LYRM4: variants seen among roughly 807,000 people sequenced by gnomAD.
LYRM4 encodes LYR motif-containing protein 4.
In LYRM4, 9 loss-of-function variants were observed where a neutral mutation model predicts 11.7. That is an observed-to-expected ratio of 0.77 (90% CI 0.46 to 1.34). The LOEUF is 1.34. Among genes scored for constraint, LYRM4 ranks in the 40% most tolerant of loss-of-function variants. The pLI, the probability that LYRM4 is intolerant of heterozygous loss-of-function variation, is 0.00. For missense variants in LYRM4, 133 were observed against 112.5 expected (o/e 1.18, Z -0.82); for synonymous variants, 42 against 40.4 (o/e 1.04, Z -0.15).
At chr6:5,141,005 G>T (rs539094405) in intron 2 of LYRM4, among the ~76,000 whole-genome samples, 1 of 152,306 alleles carries the variant, frequency 6.6e-6, no homozygotes, top group East Asian at 1.9e-4. Flanking sequence ...GCCTCTGTGT[G>T]TGATCATGAC....
At chr6:5,139,720 C>T (rs462487) in intron 2 of LYRM4, among the ~76,000 whole-genome samples, 95,418 of 152,058 alleles carry the variant, frequency 0.63, 30,720 homozygotes, top group East Asian at 0.92. Flanking sequence ...ACTGAACTGT[C>T]GCCAATCTGG....
intron 2 of LYRM4, among the ~76,000 whole-genome samples, chr6:5,167,172 A>G (rs182869198): frequency 2.0e-4 from 31 of 152,338 alleles, no homozygotes; most frequent in Non-Finnish European, 3.7e-4. Flanking sequence ...ACTTTAATTA[A>G]AACAAAAACC....
chr6:5,079,564 A>G, the LYRM4 span, among the ~76,000 whole-genome samples: 1 of 152,238 alleles, frequency 6.6e-6, no homozygotes, highest in Non-Finnish European at 1.5e-5. Flanking sequence ...AGGAAGCGTC[A>G]CATATTAAAA....
At chr6:5,113,994 G>C (rs1468811986) in intron 2 of LYRM4, among the ~76,000 whole-genome samples, 3 of 152,170 alleles carry the variant, frequency 2.0e-5, no homozygotes, top group Admixed American at 2.0e-4. Flanking sequence ...TTTCCTTATG[G>C]GGTCAGTGCA....
At chr6:5,138,406 G>A (rs1310871058) in intron 2 of LYRM4, among the ~76,000 whole-genome samples, 1 of 147,796 alleles carries the variant, frequency 6.8e-6, no homozygotes, top group African/African-American at 2.5e-5. Context: ...ATCACCTGAG[G>A]CTGGGGAGGT....
chr6:5,099,248 G>A (rs1021153391), downstream of LYRM4, among the ~76,000 whole-genome samples: 5 of 151,272 alleles, frequency 3.3e-5, no homozygotes, highest in African/African-American at 1.2e-4. This position sits in a 1 kb window ranked among gnomAD's most constrained non-coding sequence, Gnocchi z 4.3. Context: ...TGTTACCCAG[G>A]CTGGAGTGCA....
intron 2 of LYRM4, among the ~76,000 whole-genome samples, chr6:5,151,361 G>A (rs1195060882): frequency 6.6e-6 from 1 of 152,098 alleles, no homozygotes; most frequent in Admixed American, 6.5e-5. Context: ...GGGATTACAG[G>A]CATGAGCCAC....
chr6:5,110,455 C>T (rs991549859), intron 2 of LYRM4, among the ~76,000 whole-genome samples: 8 of 152,188 alleles, frequency 5.3e-5, no homozygotes, highest in Admixed American at 3.9e-4. Context: ...ACCGCCGCGC[C>T]GTCCATCTGA....
the LYRM4 span, among the ~76,000 whole-genome samples, chr6:5,044,708 G>A: frequency 6.6e-6 from 1 of 152,132 alleles, no homozygotes; most frequent in Non-Finnish European, 1.5e-5. Flanking sequence ...GTGCTAAACT[G>A]TCCTGCACTG....
the LYRM4 span, among the ~76,000 whole-genome samples, chr6:5,071,114 G>A: frequency 4.0e-5 from 6 of 150,984 alleles, no homozygotes; most frequent in East Asian, 2.0e-4. Context: ...GCTTGAACTC[G>A]GGAGGCAGAG....
At chr6:5,182,079 G>T (rs2773338) in intron 2 of LYRM4, among the ~76,000 whole-genome samples, 57 of 151,984 alleles carry the variant, frequency 3.8e-4, no homozygotes, top group African/African-American at 1.4e-3. Context: ...AATGAACTTC[G>T]CCCATAATGA....
At chr6:5,208,587 A>G (rs893711353) in intron 2 of LYRM4, among the ~76,000 whole-genome samples, 28 of 152,242 alleles carry the variant, frequency 1.8e-4, no homozygotes, top group African/African-American at 6.8e-4. Context: ...GGCTTCTTTT[A>G]GAAAGGAAAT....
At chr6:5,216,242 C>T (rs2127723397) in intron 2 of LYRM4, among the ~76,000 whole-genome samples, 1 of 152,220 alleles carries the variant, frequency 6.6e-6, no homozygotes, top group East Asian at 1.9e-4. Flanking sequence ...TTCTGTTTAT[C>T]CTGAATTATG....
downstream of LYRM4, chr6:5,106,537 C>G (rs1431032352): frequency 6.6e-6 from 1 of 152,254 alleles, no homozygotes; most frequent in Non-Finnish European, 1.5e-5. Context: ...GTCACTGCTA[C>G]TTAGTTAGCA....
chr6:5,154,773 C>T (rs1053175170), intron 2 of LYRM4, among the ~76,000 whole-genome samples: 1 of 152,014 alleles, frequency 6.6e-6, no homozygotes, highest in African/African-American at 2.4e-5. Flanking sequence ...GAGCCGGGAT[C>T]GCGCCACTGC....
chr6:5,186,876 C>G, intron 2 of LYRM4: 1 of 440,594 alleles, frequency 2.3e-6, no homozygotes, highest in Non-Finnish European at 3.7e-6. Flanking sequence ...CCCAGCTACT[C>G]GGGAGGCTGA....
chr6:5,086,028 G>A, the LYRM4 span: 1 of 1,492,502 alleles, frequency 6.7e-7, no homozygotes, highest in Non-Finnish European at 8.9e-7. Flanking sequence ...GGGGGCTGCT[G>A]GCCGCGGCGG....
intron 2 of LYRM4, among the ~76,000 whole-genome samples, chr6:5,153,255 C>T (rs1367235062): frequency 1.3e-5 from 2 of 152,260 alleles, no homozygotes; most frequent in Admixed American, 6.5e-5. Context: ...ACACGCCTGG[C>T]TAATTTTTAT....
the LYRM4 span, among the ~76,000 whole-genome samples, chr6:5,095,951 G>C: frequency 6.6e-6 from 1 of 152,146 alleles, no homozygotes; most frequent in Non-Finnish European, 1.5e-5. Context: ...CTGCACTACA[G>C]CCTGGGTGAC....
Sources: gnomAD v4.1 joint callset for allele counts (sites outside exome capture counted in the v4.1 genomes callset) on GRCh38, gnomAD v4.1.1 for gene constraint, Gnocchi (gnomAD v3.1) non-coding constraint, MANE v1.5 for transcripts, NCBI Gene and HGNC (gene_info 2026-07-23, HGNC 2026-07-21) for gene names.